Variants in AP3B1 observed in about 807,000 individuals in gnomAD.
AP3B1 encodes AP-3 complex subunit beta-1.
AP3B1 carries 61 observed loss-of-function variants against 132.5 expected under a neutral mutation model. That is an observed-to-expected ratio of 0.46 (90% CI 0.37 to 0.57). AP3B1 has a LOEUF of 0.57. Ranked by LOEUF, AP3B1 falls within the 20% of genes least tolerant of loss-of-function variation. The probability of loss-of-function intolerance (pLI) is 0.00; values close to 1 mark genes in which losing one functional copy is unlikely to be tolerated. For synonymous variants in AP3B1, 388 were observed against 438.3 expected, an observed-to-expected ratio of 0.89 and a Z score of 1.43; for missense variants, 1,120 against 1,289.4, an observed-to-expected ratio of 0.87 and a Z score of 2.01.
intron 7 of AP3B1, among the ~76,000 whole-genome samples, chr5:78,215,594 A>G (rs920934077): frequency 6.6e-6 from 1 of 152,254 alleles, no homozygotes; most frequent in Admixed American, 6.5e-5. Context: ...GTAGTTTAAA[A>G]GTTCAACAAT....
intron 24 of AP3B1, among the ~76,000 whole-genome samples, chr5:78,033,274 G>C (rs916177435): frequency 2.0e-5 from 3 of 151,940 alleles, no homozygotes; most frequent in Non-Finnish European, 4.4e-5. Context: ...ACAATTACTA[G>C]GCAATGTTGG....
intron 11 of AP3B1, among the ~76,000 whole-genome samples, chr5:78,174,293 T>C (rs1053571554): frequency 3.3e-5 from 5 of 152,262 alleles, no homozygotes; most frequent in African/African-American, 1.2e-4. Context: ...TCAGCTTTTC[T>C]GCTCTGGTTT....
chr5:78,097,824 T>C (rs1750939125), intron 21 of AP3B1, among the ~76,000 whole-genome samples: 1 of 152,226 alleles, frequency 6.6e-6, no homozygotes, highest in Non-Finnish European at 1.5e-5. Context: ...ATGGTGGTTT[T>C]GTGGAATAGA....
At chr5:78,122,480 T>G (rs1475627068) in intron 17 of AP3B1, among the ~76,000 whole-genome samples, 1 of 152,218 alleles carries the variant, frequency 6.6e-6, no homozygotes, top group Non-Finnish European at 1.5e-5. Flanking sequence ...CTTAAGCTGA[T>G]AAGCAACTTC....
chr5:78,107,950 GA>G (rs1751409904), intron 20 of AP3B1, among the ~76,000 whole-genome samples: 1 of 152,162 alleles, frequency 6.6e-6, no homozygotes, highest in South Asian at 2.1e-4. Flanking sequence ...CATAACACTT[GA>G]AAGAAGTAAG....
At chr5:78,108,847 C>A (rs1751453866) in intron 20 of AP3B1, among the ~76,000 whole-genome samples, 1 of 152,068 alleles carries the variant, frequency 6.6e-6, no homozygotes, top group South Asian at 2.1e-4. Flanking sequence ...TCCTAAAGCT[C>A]TGCTTCTAAT....
At chr5:78,054,510 T>C (rs1430369259) in intron 22 of AP3B1, among the ~76,000 whole-genome samples, 1 of 137,764 alleles carries the variant, frequency 7.3e-6, no homozygotes, top group Admixed American at 8.1e-5. Context: ...AATGATTTCG[T>C]CAAGACAGAA....
At chr5:78,005,648 T>C (rs1168680884) in intron 26 of AP3B1, among the ~76,000 whole-genome samples, 1 of 152,236 alleles carries the variant, frequency 6.6e-6, no homozygotes, top group African/African-American at 2.4e-5. Flanking sequence ...CTCTATGTTC[T>C]AGTGGACACA....
At chr5:78,055,077 T>C (rs559643462) in intron 22 of AP3B1, among the ~76,000 whole-genome samples, 264 of 151,432 alleles carry the variant, frequency 1.7e-3, no homozygotes, top group Non-Finnish European at 3.3e-3. Context: ...ATAAACATTA[T>C]TCCCCTTGAT....
At chr5:78,142,976 T>G (rs989844046) in intron 14 of AP3B1, among the ~76,000 whole-genome samples, 1 of 152,142 alleles carries the variant, frequency 6.6e-6, no homozygotes, top group African/African-American at 2.4e-5. Flanking sequence ...AGTAATTGAG[T>G]GGTACATTAA....
intron 21 of AP3B1, among the ~76,000 whole-genome samples, chr5:78,099,760 G>A (rs2636982): frequency 0.17 from 26,070 of 151,810 alleles, 2,860 homozygotes; most frequent in Admixed American, 0.28. Flanking sequence ...TTAGCTGGGC[G>A]TGATGGTAGT....
At chr5:78,290,117 T>A (rs1465013590) in intron 1 of AP3B1, among the ~76,000 whole-genome samples, 1 of 152,230 alleles carries the variant, frequency 6.6e-6, no homozygotes, top group African/African-American at 2.4e-5. Flanking sequence ...GCAAGTATTA[T>A]CACATCCCGT....
intron 8 of AP3B1, among the ~76,000 whole-genome samples, chr5:78,178,260 C>T (rs557321314): frequency 1.3e-5 from 2 of 152,154 alleles, no homozygotes; most frequent in Non-Finnish European, 2.9e-5. Context: ...ACAGCAGTAG[C>T]ATTTAAAATA....
chr5:78,105,320 G>A (rs1751289565), intron 20 of AP3B1, among the ~76,000 whole-genome samples: 1 of 152,048 alleles, frequency 6.6e-6, no homozygotes, highest in Non-Finnish European at 1.5e-5. Flanking sequence ...CTAATATACT[G>A]GGTAGTTGTA....
At chr5:78,063,874 T>TA (rs920500244) in intron 22 of AP3B1, among the ~76,000 whole-genome samples, 17 of 152,266 alleles carry the variant, frequency 1.1e-4, no homozygotes, top group South Asian at 1.0e-3. Flanking sequence ...TAATTTTTTT[T>TA]AAAAATGATA....
intron 22 of AP3B1, among the ~76,000 whole-genome samples, chr5:78,063,348 T>C (rs1377085750): frequency 6.6e-6 from 1 of 152,218 alleles, no homozygotes; most frequent in African/African-American, 2.4e-5. Flanking sequence ...CTATATATTT[T>C]TTCAGGAACG....
intron 22 of AP3B1, among the ~76,000 whole-genome samples, chr5:78,071,778 T>C (rs1259816605): frequency 6.6e-6 from 1 of 152,208 alleles, no homozygotes; most frequent in Non-Finnish European, 1.5e-5. Context: ...TTATTACATC[T>C]ATATTTCTAA....
At chr5:78,156,511 C>T (rs754476143) in intron 13 of AP3B1, 144 bp from the exon 14 acceptor site, 39 of 662,710 alleles carry the variant, frequency 5.9e-5, no homozygotes, top group South Asian at 2.3e-4. Flanking sequence ...ACCATGAGTG[C>T]GCTTCCAAAT....
intron 25 of AP3B1, among the ~76,000 whole-genome samples, chr5:78,019,497 A>C (rs1237188648): frequency 1.3e-5 from 2 of 152,172 alleles, no homozygotes; most frequent in African/African-American, 4.8e-5. Context: ...TAAAGCAGAG[A>C]GGCAGGCTTT....
Sources: allele counts gnomAD v4.1 joint callset (sites outside exome capture counted in the v4.1 genomes callset), GRCh38; gene constraint gnomAD v4.1.1; transcripts MANE v1.5; gene names NCBI Gene and HGNC (gene_info 2026-07-23, HGNC 2026-07-21).